CCDC7: variants seen among roughly 807,000 people sequenced by gnomAD.
CCDC7 encodes coiled-coil domain containing 7.
A neutral mutation model predicts 196.9 loss-of-function variants in CCDC7; 183 were observed. The ratio of observed to expected loss-of-function variants is 0.93; its 90% CI spans 0.82 to 1.05. CCDC7 has a LOEUF of 1.05. Among genes scored for constraint, CCDC7 ranks in the 50% least tolerant of loss-of-function variants. The pLI is 0.00. For synonymous variants in CCDC7, 525 were observed against 484.6 expected, an observed-to-expected ratio of 1.08 and a Z score of -1.10; for missense variants, 1,540 against 1,482.2, an observed-to-expected ratio of 1.04 and a Z score of -0.64.
intron 28 of CCDC7, 61 bp from the exon 30 acceptor site, chr10:32,778,916 G>A: frequency 8.2e-7 from 1 of 1,219,176 alleles, no homozygotes; most frequent in Non-Finnish European, 1.2e-6. Flanking sequence ...TGCATTGCTA[G>A]GTGTTTCACA....
intron 2 of CCDC7, among the ~76,000 whole-genome samples, chr10:32,454,365 A>G (rs2133414060): frequency 6.6e-6 from 1 of 152,304 alleles, no homozygotes; most frequent in Non-Finnish European, 1.5e-5. Context: ...GGAATGAATC[A>G]AAGAACCAAA....
intron 41 of CCDC7, among the ~76,000 whole-genome samples, chr10:32,858,102 C>G (rs1381920665): frequency 2.0e-5 from 3 of 151,894 alleles, no homozygotes; most frequent in Non-Finnish European, 2.9e-5. Flanking sequence ...TTAGACAAAC[C>G]AATACCAAAT....
intron 11 of CCDC7, 60 bp downstream of exon 12, chr10:32,518,565 A>T: frequency 7.5e-7 from 1 of 1,337,248 alleles, no homozygotes; most frequent in South Asian, 1.6e-5. Context: ...TTATGTTAGG[A>T]TAGAAATCAA....
intron 28 of CCDC7, among the ~76,000 whole-genome samples, chr10:32,762,931 ACTT>A (rs2077679026): frequency 1.3e-5 from 2 of 151,928 alleles, no homozygotes; most frequent in Admixed American, 1.3e-4. Flanking sequence ...TAAGGGAAAA[ACTT>A]CTTGATATTG....
intron 16 of CCDC7, among the ~76,000 whole-genome samples, chr10:32,572,632 A>T (rs142381490): frequency 0.04 from 6,032 of 152,194 alleles, 127 homozygotes; most frequent in Middle Eastern, 0.051. Flanking sequence ...TATACTAAAA[A>T]CTATATGTTT....
intron 8 of CCDC7, among the ~76,000 whole-genome samples, chr10:32,476,808 A>G (rs893855048): frequency 3.9e-5 from 6 of 152,224 alleles, no homozygotes; most frequent in African/African-American, 1.2e-4. Flanking sequence ...ATGATTATAC[A>G]TGATGTTGAG....
At chr10:32,734,820 C>T (rs900223425) in intron 28 of CCDC7, among the ~76,000 whole-genome samples, 1 of 151,994 alleles carries the variant, frequency 6.6e-6, no homozygotes, top group African/African-American at 2.4e-5. Context: ...TTGCTTGAAC[C>T]AGGGAGGTGG....
exon 39 of CCDC7, chr10:32,848,607 T>C (rs765090448): frequency 1.4e-5 from 21 of 1,491,254 alleles, no homozygotes; most frequent in South Asian, 3.4e-5. Context: ...TGTGAACTTA[T>C]TTAAAAACAA....
At chr10:32,742,255 C>A (rs1480949363) in intron 28 of CCDC7, among the ~76,000 whole-genome samples, 5 of 152,106 alleles carry the variant, frequency 3.3e-5, no homozygotes, top group Non-Finnish European at 7.4e-5. Flanking sequence ...GTGCCTTCTG[C>A]CATTCCCCCC....
At chr10:32,540,198 C>T (rs937943876) in intron 11 of CCDC7, among the ~76,000 whole-genome samples, 6 of 152,014 alleles carry the variant, frequency 3.9e-5, no homozygotes, top group Non-Finnish European at 5.9e-5. Flanking sequence ...TCAATCTGGG[C>T]GGTCCTATGT....
intron 9 of CCDC7, among the ~76,000 whole-genome samples, chr10:32,500,692 A>C (rs1403045875): frequency 6.6e-6 from 1 of 152,188 alleles, no homozygotes; most frequent in East Asian, 1.9e-4. Context: ...AGGCCAAGGC[A>C]GGCGGCTGGG....
chr10:32,573,686 A>G (rs550112026), intron 16 of CCDC7, among the ~76,000 whole-genome samples: 1 of 152,236 alleles, frequency 6.6e-6, no homozygotes, highest in Non-Finnish European at 1.5e-5. Flanking sequence ...GATTAAAAAA[A>G]TCATAGAATG....
At chr10:32,776,153 G>T (rs2080004332) in intron 28 of CCDC7, among the ~76,000 whole-genome samples, 1 of 147,738 alleles carries the variant, frequency 6.8e-6, no homozygotes, top group African/African-American at 2.5e-5. Context: ...ATGGGGGAGG[G>T]ATAGCACTGG....
intron 13 of CCDC7, among the ~76,000 whole-genome samples, chr10:32,557,560 G>T (rs1260396843): frequency 2.0e-5 from 3 of 151,798 alleles, no homozygotes; most frequent in African/African-American, 7.3e-5. Flanking sequence ...ATTTAGATTG[G>T]GTATTTTGTA....
chr10:32,632,524 A>G (rs1203867425), intron 18 of CCDC7, among the ~76,000 whole-genome samples: 2 of 151,654 alleles, frequency 1.3e-5, no homozygotes, highest in Non-Finnish European at 2.9e-5. Context: ...TCTAGCTTAT[A>G]AGGTAGAAGT....
chr10:32,833,061 T>C (rs1488954077), intron 32 of CCDC7, among the ~76,000 whole-genome samples: 1 of 152,138 alleles, frequency 6.6e-6, no homozygotes, highest in Non-Finnish European at 1.5e-5. Context: ...ATTATAAATA[T>C]GTACTTGTTC....
At chr10:32,554,151 C>T (rs544018909) in intron 13 of CCDC7, among the ~76,000 whole-genome samples, 1 of 152,290 alleles carries the variant, frequency 6.6e-6, no homozygotes, top group African/African-American at 2.4e-5. Flanking sequence ...AATGAAGGGC[C>T]CGTGTTGCTC....
At chr10:32,680,481 G>C (rs960824321) in intron 21 of CCDC7, among the ~76,000 whole-genome samples, 1 of 151,724 alleles carries the variant, frequency 6.6e-6, no homozygotes, top group African/African-American at 2.4e-5. Flanking sequence ...TGCACAACAT[G>C]CAAGTTTGTT....
At chr10:32,845,207 T>C in intron 33 of CCDC7, 36 bp from the exon 35 acceptor site, 1 of 1,329,478 alleles carries the variant, frequency 7.5e-7, no homozygotes. Flanking sequence ...AATGTTTACC[T>C]TTCAAAATAT....
Sources: gnomAD v4.1 joint callset for allele counts (sites outside exome capture counted in the v4.1 genomes callset) on GRCh38, gnomAD v4.1.1 for gene constraint, MANE v1.5 for transcripts, NCBI Gene and HGNC (gene_info 2026-07-23, HGNC 2026-07-21) for gene names.